DCUN1D2: variants seen among roughly 807,000 people sequenced by gnomAD.
DCUN1D2 encodes the protein defective in cullin neddylation 1 domain containing 2.
DCUN1D2 carries 29 observed loss-of-function variants against 30.9 expected under a neutral mutation model. That is an observed-to-expected ratio of 0.94 (90% CI 0.70 to 1.28). DCUN1D2 has a LOEUF of 1.28. DCUN1D2 is among the 50% of genes most tolerant of loss of function. The pLI is 0.00. For synonymous variants in DCUN1D2, 121 were observed against 115.3 expected (o/e 1.05, Z -0.32); for missense variants, 325 against 316.9 (o/e 1.03, Z -0.19).
chr13:113,458,109 C>T lies in DCUN1D2; in HGVS notation c.701-1G>A. 6.2e-7 allele frequency: 1 copy of T among 1,614,032 alleles called. No homozygotes were observed. The highest frequency in any genetic ancestry group is 8.5e-7 in the Non-Finnish European group (1 of 1,179,912). On this transcript the variant is annotated splice_acceptor_variant, in intron 6 of 6. Transcript: ENST00000478244. LOFTEE classifies it high-confidence loss of function. Reference sequence around the variant, plus strand: ...TCATCTATAAGAACGGGCCAAGCTCCTAAAGGAAAGCAAGCAAACAGAAAA... The same window carrying T: ...TCATCTATAAGAACGGGCCAAGCTCTTAAAGGAAAGCAAGCAAACAGAAAA...
At chr13:113,489,475 C>T (rs960743116) in intron 1 of DCUN1D2, among the ~76,000 whole-genome samples, 1 of 152,200 alleles carries the variant, frequency 6.6e-6, no homozygotes, top group Non-Finnish European at 1.5e-5. Flanking sequence ...CTGCTGATGG[C>T]TCCCTCCTCC....
At chr13:113,487,333 T>C (rs112470560) in intron 1 of DCUN1D2, among the ~76,000 whole-genome samples, 10,152 of 152,308 alleles carry the variant, frequency 0.067, 387 homozygotes, top group Non-Finnish European at 0.078. Context: ...AAATCTGCCA[T>C]GGTTATACAA....
intron 1 of DCUN1D2, among the ~76,000 whole-genome samples, chr13:113,485,827 G>A (rs928585115): frequency 6.6e-6 from 1 of 151,938 alleles, no homozygotes; most frequent in African/African-American, 2.4e-5. Context: ...CTTCCCGAGC[G>A]TCCTAAGCCG....
chr13:113,460,973 A>G, intron 5 of DCUN1D2, 81 bp downstream of exon 5: 1 of 838,388 alleles, frequency 1.2e-6, no homozygotes, highest in South Asian at 1.6e-5. Flanking sequence ...GTGAGACCTG[A>G]GGTGGATGAT....
At chr13:113,483,819 T>G (rs1464696839) in intron 2 of DCUN1D2, 21 bp downstream of exon 2, 3 of 1,606,838 alleles carry the variant, frequency 1.9e-6, no homozygotes, top group Non-Finnish European at 2.6e-6. Context: ...TCCGTCCGGC[T>G]TTGCTGCAGT....
intron 3 of DCUN1D2, among the ~76,000 whole-genome samples, chr13:113,474,764 CTT>C (rs1428881963): frequency 6.6e-6 from 1 of 152,172 alleles, no homozygotes; most frequent in Non-Finnish European, 1.5e-5. Flanking sequence ...TTCTCAGTGA[CTT>C]GCAGAATGGC....
rs147031064 is a variant in DCUN1D2 at position 113,489,541 on chromosome 13, A to G, written c.3+1126T>C. Among the ~76,000 whole-genome samples the G allele has an allele frequency of 2.6e-3, 390 of 152,114 alleles. 1 individual carries two copies. Among genetic ancestry groups the G allele is most frequent in the African/African-American group, 8.9e-3 (368 of 41,484 alleles). The stretch of plus-strand genomic sequence containing the variant: ...TTCTAGTGTCCTGGTTTCTCCTACC[A>G]GCCCCCTCTCAGTCTCCTTTGTGGC... On this transcript the variant is annotated intron_variant, in intron 1 of 6. Transcript: ENST00000478244.
intron 3 of DCUN1D2, among the ~76,000 whole-genome samples, chr13:113,477,140 G>C (rs1265708071): frequency 6.6e-6 from 1 of 152,128 alleles, no homozygotes; most frequent in Admixed American, 6.5e-5. Flanking sequence ...CGTTTTCATA[G>C]AAATTTCAAA....
At chr13:113,461,924 C>G (rs766336171) in intron 4 of DCUN1D2, among the ~76,000 whole-genome samples, 1 of 152,192 alleles carries the variant, frequency 6.6e-6, no homozygotes, top group Non-Finnish European at 1.5e-5. Context: ...ATGCTTGACA[C>G]AGCAAGTATA....
chr13:113,483,977 T>G lies in DCUN1D2; in HGVS notation c.83A>C (p.Tyr28Ser), dbSNP rs530270264. 1 of 1,614,220 alleles carries G rather than the reference T, an allele frequency of 6.2e-7. No individual in the cohort carries two copies. The highest frequency in any genetic ancestry group is 1.1e-5 in the South Asian group (1 of 91,086). ...CTQAGERTAI[Y>S]CLTQNEWRLD... ...TCTCCACTCATTCTGCGTTAAGCAG[T>G]AGATAGCAGTTCTCTCGCCAGCCTG... Residue 28 changes from tyrosine to serine, a missense_variant, in exon 2 of 7, where the codon TAC becomes TCC. Transcript: ENST00000478244.
chr13:113,464,010 C>A (rs1275701562), intron 4 of DCUN1D2, among the ~76,000 whole-genome samples: 1 of 152,196 alleles, frequency 6.6e-6, no homozygotes, highest in East Asian at 1.9e-4. Context: ...TACTTCTGGG[C>A]TATAGTCATA....
At chr13:113,484,402 G>A (rs142906425) in intron 1 of DCUN1D2, among the ~76,000 whole-genome samples, 79 of 152,256 alleles carry the variant, frequency 5.2e-4, no homozygotes, top group Admixed American at 3.0e-3. Context: ...AGGACCTTAC[G>A]GCACCAGCGG....
At chr13:113,468,591 G>C (rs7985010) in intron 4 of DCUN1D2, among the ~76,000 whole-genome samples, 6 of 152,108 alleles carry the variant, frequency 3.9e-5, no homozygotes, top group East Asian at 1.9e-4. Context: ...GTTTAAACGC[G>C]AGACGTGCCA....
intron 4 of DCUN1D2, among the ~76,000 whole-genome samples, chr13:113,473,047 G>A (rs191083359): frequency 1.7e-4 from 19 of 112,618 alleles, no homozygotes; most frequent in African/African-American, 6.1e-4. Context: ...GTGTCCCCCC[G>A]TGCCTGTCTC....
chr13:113,490,419 C>T lies in DCUN1D2; in HGVS notation c.3+248G>A. 2.8e-6 allele frequency: 1 copy of T among 357,420 alleles called. No homozygotes were observed. Among genetic ancestry groups the T allele is most frequent in the Non-Finnish European group, 5.0e-6 (1 of 201,408 alleles). 22.1% of individuals were successfully genotyped at this position (357,420 alleles called of 1,614,324 possible). On this transcript the variant is annotated intron_variant, in intron 1 of 6. Coordinates refer to ENST00000478244, the MANE Select transcript of DCUN1D2 (RefSeq NM_001014283.2). The surrounding 1 kb of genome is among the most constrained non-coding windows in gnomAD (Gnocchi z 5.2). ...GGCCCCTACAGTTCCTCCCGGCCCC[C>T]GCCCTCCGCTCACTCCCGGTCGTCC... is the stretch of plus-strand genomic sequence containing the variant.
chr13:113,473,263 C>G (rs2044555899), intron 4 of DCUN1D2, among the ~76,000 whole-genome samples: 1 of 152,138 alleles, frequency 6.6e-6, no homozygotes, highest in Non-Finnish European at 1.5e-5. Flanking sequence ...TTCCTCTGTG[C>G]AACTGCCCTC....
At chr13:113,467,247 G>T (rs914740358) in intron 4 of DCUN1D2, among the ~76,000 whole-genome samples, 1 of 152,174 alleles carries the variant, frequency 6.6e-6, no homozygotes, top group Non-Finnish European at 1.5e-5. Context: ...CCCGTTTACT[G>T]TATCTCTAGG....
upstream of DCUN1D2, chr13:113,490,780 G>A (rs1303447366): frequency 2.8e-5 from 30 of 1,054,170 alleles, no homozygotes; most frequent in Non-Finnish European, 3.5e-5. This position sits in a 1 kb window ranked among gnomAD's most constrained non-coding sequence, Gnocchi z 5.2. Flanking sequence ...GCAGTGCCGG[G>A]AGCCGGCCGC....
rs776336246 is a variant in DCUN1D2 at position 113,456,280 on chromosome 13, TCTGCAGG to T, written c.*1742_*1748del. 2 of 398,632 alleles carry T rather than the reference TCTGCAGG, an allele frequency of 5.0e-6. No homozygotes were observed. The highest frequency in any genetic ancestry group is 8.8e-6 in the Non-Finnish European group (2 of 226,142). 24.7% of individuals were successfully genotyped at this position (398,632 alleles called of 1,614,324 possible). On this transcript the variant is annotated 3_prime_UTR_variant, in exon 7 of 7. Transcript: ENST00000478244. ...AGAAGCCAGCGGGGGCCAGGCGGGG[TCTGCAGG>T]CTGCAGGTCCCTTCCAGTCCTGTCC...
Sources: allele counts gnomAD v4.1 joint callset (sites outside exome capture counted in the v4.1 genomes callset), GRCh38; gene constraint gnomAD v4.1.1; non-coding constraint Gnocchi (gnomAD v3.1); transcripts MANE v1.5; gene names NCBI Gene and HGNC (gene_info 2026-07-23, HGNC 2026-07-21).